Variants in MCPH1 observed in about 807,000 individuals in gnomAD.
MCPH1 encodes microcephalin 1.
Under a neutral mutation model 84.5 loss-of-function variants are expected in MCPH1, and 104 were observed. The ratio of observed to expected loss-of-function variants is 1.23; its 90% CI spans 1.05 to 1.45. The LOEUF (loss-of-function observed/expected upper bound fraction) is 1.45. Among genes scored for constraint, MCPH1 ranks in the 40% most tolerant of loss-of-function variants. The pLI, the probability that MCPH1 is intolerant of heterozygous loss-of-function variation, is 0.00. For synonymous variants in MCPH1, 514 were observed against 366.8 expected (o/e 1.40, Z -4.58); for missense variants, 1,498 against 1,005.7 (o/e 1.49, Z -6.62).
intron 4 of MCPH1, among the ~76,000 whole-genome samples, chr8:6,433,214 T>C (rs548328244): frequency 1.3e-5 from 2 of 152,254 alleles, no homozygotes; most frequent in South Asian, 2.1e-4. Context: ...CAGTTTTTGC[T>C]AAGTATATTA....
intron 12 of MCPH1, among the ~76,000 whole-genome samples, chr8:6,504,204 G>A (rs961909157): frequency 2.7e-5 from 4 of 150,784 alleles, no homozygotes; most frequent in African/African-American, 7.3e-5. Flanking sequence ...TGTAGTCCCA[G>A]CTACTCGGGA....
At chr8:6,478,664 C>A (rs1241452098) in intron 10 of MCPH1, among the ~76,000 whole-genome samples, 2 of 152,190 alleles carry the variant, frequency 1.3e-5, no homozygotes, top group African/African-American at 4.8e-5. Context: ...ACTGGCACAT[C>A]CAGCAAGCAG....
In MCPH1 at chr8:6,483,703, T is replaced by TA. The variant is rs990400536; in HGVS notation, c.2136+2834dup. ...GGTGAAACCCCGTCTCTACCAAAAA[T>TA]AAAAAAACTAGCTCGGCATGGTGGC... On this transcript the variant is annotated intron_variant, in intron 11 of 13. Transcript: ENST00000344683. Among the ~76,000 whole-genome samples the TA allele has an allele frequency of 1.1e-4, 17 of 151,990 alleles. No homozygotes were observed. The East Asian group carries it at 1.5e-3, about 14-fold the overall frequency.
chr8:6,622,819 A>G (rs1305952017), intron 13 of MCPH1, among the ~76,000 whole-genome samples: 1 of 151,964 alleles, frequency 6.6e-6, no homozygotes, highest in Admixed American at 6.5e-5. Context: ...ATTAGGGCTC[A>G]CCCAATGGCA....
At chr8:6,583,132 C>T (rs1054889663) in intron 12 of MCPH1, among the ~76,000 whole-genome samples, 8 of 152,036 alleles carry the variant, frequency 5.3e-5, no homozygotes, top group South Asian at 2.1e-4. Context: ...CACAGTGCCT[C>T]GCTGAATATT....
chr8:6,500,467 G>C (rs2922805), intron 12 of MCPH1: 1 of 152,598 alleles, frequency 6.6e-6, no homozygotes, highest in East Asian at 1.9e-4. Context: ...TGCCTTTCAT[G>C]TTCAAAAATG....
In MCPH1 at chr8:6,645,853, C is replaced by T. The variant is rs1000024505; in HGVS notation, c.*2804C>T. 1 of 152,078 alleles carries T rather than the reference C, an allele frequency of 6.6e-6. No individual in the cohort carries two copies. Among genetic ancestry groups the T allele is most frequent in the Non-Finnish European group, 1.5e-5 (1 of 68,018 alleles). The allele number at this position is 152,078 out of a possible 1,614,324, so 9.4% of individuals were successfully genotyped here. A position where few individuals can be genotyped will look rare whatever the true frequency, so the allele number is the denominator to read the frequency against. The stretch of plus-strand genomic sequence containing the variant: ...CATCTGTATACTGAAACCTGTAAAA[C>T]ATTGCTGAAAGAAGTTAAAGACTTC... On this transcript the variant is annotated 3_prime_UTR_variant, in exon 14 of 14. Coordinates refer to ENST00000344683, the MANE Select transcript of MCPH1 (RefSeq NM_024596.5).
intron 12 of MCPH1, among the ~76,000 whole-genome samples, chr8:6,614,192 A>G (rs1677117489): frequency 6.6e-6 from 1 of 152,212 alleles, no homozygotes; most frequent in Non-Finnish European, 1.5e-5. Context: ...CCTCTTTTGC[A>G]ATGATCAGCA....
chr8:6,613,862 G>A (rs1044540594), intron 12 of MCPH1, among the ~76,000 whole-genome samples: 5 of 152,144 alleles, frequency 3.3e-5, no homozygotes, highest in Non-Finnish European at 7.3e-5. Context: ...TGATCGCCAA[G>A]GGAGAAGACT....
In MCPH1 at chr8:6,643,047, T is replaced by A; in HGVS notation, c.2506T>A (p.Ter836ArgextTer2). The A allele has an allele frequency of 6.2e-7, 1 of 1,613,748 alleles. No homozygotes were observed. Among genetic ancestry groups the A allele is most frequent in the East Asian group, 2.2e-5 (1 of 44,888 alleles). ...CCCTGAAAACTACCTATTGTCACAATGACAGTGACCTCACTGGCCTGTGGT... is the reference window on the plus strand; with the variant it reads ...CCCTGAAAACTACCTATTGTCACAAAGACAGTGACCTCACTGGCCTGTGGT... ...CAPENYLLSQ[*>R] The change falls in exon 14 of 14, where the codon TGA (stop) becomes AGA (arginine). Residue 836 changes from the stop codon to arginine (R), a stop_lost. Coordinates refer to ENST00000344683, the MANE Select transcript of MCPH1 (RefSeq NM_024596.5).
At chr8:6,502,989 G>A in intron 12 of MCPH1, 2 of 1,303,388 alleles carry the variant, frequency 1.5e-6, no homozygotes, top group Admixed American at 2.0e-5. Flanking sequence ...TCAGCACCGA[G>A]CACACGCCCT....
intron 12 of MCPH1, among the ~76,000 whole-genome samples, chr8:6,590,788 G>A (rs1042581143): frequency 6.6e-6 from 1 of 152,194 alleles, no homozygotes; most frequent in African/African-American, 2.4e-5. Flanking sequence ...TGAGAAAATC[G>A]AGGCTGCCTC....
intron 12 of MCPH1, chr8:6,503,074 G>C (rs1812515692): frequency 6.2e-7 from 1 of 1,613,548 alleles, no homozygotes; most frequent in African/African-American, 1.3e-5. Context: ...AATAGTTCGA[G>C]ACAGTTCCTC....
chr8:6,514,101 A>G (rs1283353160), intron 12 of MCPH1, among the ~76,000 whole-genome samples: 1 of 152,222 alleles, frequency 6.6e-6, no homozygotes, highest in East Asian at 1.9e-4. Flanking sequence ...AAGCCTTGGC[A>G]TAAACAGCTC....
intron 12 of MCPH1, chr8:6,507,472 A>G (rs17077200): frequency 1.3e-5 from 2 of 150,770 alleles, no homozygotes; most frequent in Non-Finnish European, 2.9e-5. Flanking sequence ...ACTTGACAGC[A>G]TTTGTCACAC....
At chr8:6,514,340 C>A (rs1056158732) in intron 12 of MCPH1, among the ~76,000 whole-genome samples, 2 of 152,118 alleles carry the variant, frequency 1.3e-5, no homozygotes, top group African/African-American at 4.8e-5. Context: ...CAGGTGTGCA[C>A]CACCACACCT....
chr8:6,642,305 C>G (rs1354045566), intron 13 of MCPH1, among the ~76,000 whole-genome samples: 1 of 151,948 alleles, frequency 6.6e-6, no homozygotes, highest in Non-Finnish European at 1.5e-5. Flanking sequence ...GTGCGCTTGC[C>G]AGGACTGAGG....
intron 11 of MCPH1, among the ~76,000 whole-genome samples, chr8:6,483,062 A>G (rs1809433027): frequency 6.6e-6 from 1 of 152,242 alleles, no homozygotes; most frequent in South Asian, 2.1e-4. Context: ...GTGACAGCTG[A>G]GTTGAGCAAG....
At position 6,445,003 on chromosome 8, in the gene MCPH1, G is replaced by C. The variant is rs754200749; in HGVS notation, c.1281G>C (p.Glu427Asp). ...ATAATCTTAAGGAAAGGTATTCAGA[G>C]AATCTTCCTCCTGAATCTCAGCTGC... is the stretch of plus-strand genomic sequence containing the variant. ...SPDNLKERYSENLPPESQLPS... is the reference protein window; with the variant it reads ...SPDNLKERYSDNLPPESQLPS... Residue 427 changes from glutamate (E) to aspartate (D), a missense_variant, in exon 8 of 14, where the codon GAG (glutamate) becomes GAC (aspartate). Glu to Asp is a conservative substitution (Grantham distance 45). Coordinates refer to ENST00000344683, the MANE Select transcript of MCPH1 (RefSeq NM_024596.5). The C allele has an allele frequency of 1.5e-5, 25 of 1,614,082 alleles. No homozygotes were observed. Among genetic ancestry groups the C allele is most frequent in the African/African-American group, 2.7e-5 (2 of 74,924 alleles).
Sources: allele counts gnomAD v4.1 joint callset (sites outside exome capture counted in the v4.1 genomes callset), GRCh38; gene constraint gnomAD v4.1.1; transcripts MANE v1.5; gene names NCBI Gene and HGNC (gene_info 2026-07-23, HGNC 2026-07-21).